Variants in SENP7 observed in about 807,000 individuals in gnomAD.
The protein encoded by SENP7 is sentrin-specific protease 7.
A neutral mutation model predicts 141.2 loss-of-function variants in SENP7; 64 were observed. That is an observed-to-expected ratio of 0.45 (90% CI 0.37 to 0.56). The LOEUF (loss-of-function observed/expected upper bound fraction) is 0.56, where lower values mean the gene tolerates loss of function less well. Among genes scored for constraint, SENP7 ranks in the 20% least tolerant of loss-of-function variants. The probability of loss-of-function intolerance (pLI) is 0.00; values close to 1 mark genes in which losing one functional copy is unlikely to be tolerated. For missense variants in SENP7, 1,025 were observed against 1,212.2 expected (o/e 0.85, Z 2.29); for synonymous variants, 382 against 426.4 (o/e 0.90, Z 1.28).
chr3:101,378,606 G>C (rs2060405687), intron 6 of SENP7, among the ~76,000 whole-genome samples: 1 of 151,990 alleles, frequency 6.6e-6, no homozygotes, highest in Non-Finnish European at 1.5e-5. Context: ...AATATCATAA[G>C]AAGAAAGAGG....
At chr3:101,356,259 A>G (rs2059740040) in intron 11 of SENP7, among the ~76,000 whole-genome samples, 1 of 152,048 alleles carries the variant, frequency 6.6e-6, no homozygotes, top group South Asian at 2.1e-4. Context: ...CTCACATTTT[A>G]ATCTCCTTAT....
intron 6 of SENP7, among the ~76,000 whole-genome samples, chr3:101,378,514 G>GA (rs1425575247): frequency 2.0e-5 from 3 of 151,394 alleles, no homozygotes; most frequent in Non-Finnish European, 2.9e-5. Context: ...AAAGCAAAGA[G>GA]AAAAAAAGAC....
intron 4 of SENP7, among the ~76,000 whole-genome samples, chr3:101,445,500 G>A (rs1490826349): frequency 6.6e-6 from 1 of 150,794 alleles, no homozygotes; most frequent in African/African-American, 2.4e-5. Context: ...AAGGAACAAA[G>A]GATATACAAA....
chr3:101,367,796 T>G (rs2060076910), intron 8 of SENP7, 34 bp downstream of exon 8: 1 of 1,323,468 alleles, frequency 7.6e-7, no homozygotes. Flanking sequence ...TAGCATGAAA[T>G]TATTTCCTAT....
intron 4 of SENP7, among the ~76,000 whole-genome samples, chr3:101,424,829 TAC>T (rs1224292460): frequency 1.3e-5 from 2 of 152,192 alleles, no homozygotes; most frequent in African/African-American, 4.8e-5. Context: ...CACTGCGTGA[TAC>T]AGTTTGGCTG....
chr3:101,437,536 A>T (rs2062438534), intron 4 of SENP7, among the ~76,000 whole-genome samples: 1 of 152,102 alleles, frequency 6.6e-6, no homozygotes, highest in Admixed American at 6.6e-5. Flanking sequence ...AATGATTTTA[A>T]ATTTCTAAAA....
intron 1 of SENP7, among the ~76,000 whole-genome samples, chr3:101,507,620 C>G (rs2065674058): frequency 6.6e-6 from 1 of 152,034 alleles, no homozygotes; most frequent in South Asian, 2.1e-4. Flanking sequence ...ACTTATAAAA[C>G]AGAAGTAGAG....
At chr3:101,463,399 A>G (rs1316845137) in intron 3 of SENP7, among the ~76,000 whole-genome samples, 2 of 75,306 alleles carry the variant, frequency 2.7e-5, no homozygotes, top group Non-Finnish European at 4.9e-5. Flanking sequence ...ATATATATAC[A>G]TATATATATA....
chr3:101,463,366 T>TAAATAAATAA (rs796724812), intron 3 of SENP7, among the ~76,000 whole-genome samples: 2 of 62,364 alleles, frequency 3.2e-5, no homozygotes, highest in East Asian at 9.7e-4. Flanking sequence ...AATAAATAAA[T>TAAATAAATAA]ATATATATAT....
At chr3:101,457,490 C>T in intron 4 of SENP7, 1 of 1,609,752 alleles carries the variant, frequency 6.2e-7, no homozygotes, top group Non-Finnish European at 8.5e-7. Flanking sequence ...CCAGAGATGC[C>T]TGAACTTTAG....
At chr3:101,397,357 T>C (rs1463753736) in intron 6 of SENP7, among the ~76,000 whole-genome samples, 2 of 152,234 alleles carry the variant, frequency 1.3e-5, no homozygotes, top group East Asian at 3.9e-4. Flanking sequence ...GGTCTTGAAC[T>C]CCTCGCCTCA....
chr3:101,427,387 A>G (rs1440927124), intron 4 of SENP7, among the ~76,000 whole-genome samples: 1 of 151,754 alleles, frequency 6.6e-6, no homozygotes, highest in Non-Finnish European at 1.5e-5. Context: ...CTACTCGGGA[A>G]GCTAAAGCAC....
At chr3:101,508,575 G>C (rs2065724303) in intron 1 of SENP7, among the ~76,000 whole-genome samples, 1 of 152,084 alleles carries the variant, frequency 6.6e-6, no homozygotes, top group African/African-American at 2.4e-5. Context: ...CTCCAGCCTG[G>C]GGGGCAGAGT....
At chr3:101,476,847 A>G (rs1367624621) in intron 3 of SENP7, among the ~76,000 whole-genome samples, 2 of 152,184 alleles carry the variant, frequency 1.3e-5, no homozygotes, top group Non-Finnish European at 2.9e-5. Context: ...TTCTCTAATG[A>G]CCAGTGATGA....
intron 1 of SENP7, among the ~76,000 whole-genome samples, chr3:101,504,627 A>G (rs997322077): frequency 6.6e-6 from 1 of 152,230 alleles, no homozygotes; most frequent in African/African-American, 2.4e-5. Context: ...TAAATTTAAC[A>G]AAACACATAT....
At chr3:101,331,174 A>T (rs930650736) in intron 19 of SENP7, among the ~76,000 whole-genome samples, 1 of 152,130 alleles carries the variant, frequency 6.6e-6, no homozygotes, top group Non-Finnish European at 1.5e-5. Flanking sequence ...TACAATGTAT[A>T]TGTATTTCAA....
chr3:101,397,023 G>A (rs770750721), intron 6 of SENP7, among the ~76,000 whole-genome samples: 1 of 151,826 alleles, frequency 6.6e-6, no homozygotes, highest in Non-Finnish European at 1.5e-5. Flanking sequence ...TTGTATTTTC[G>A]GTAGAGACAA....
chr3:101,386,226 A>C (rs1307344198), intron 6 of SENP7, among the ~76,000 whole-genome samples: 1 of 152,192 alleles, frequency 6.6e-6, no homozygotes, highest in African/African-American at 2.4e-5. Flanking sequence ...AAGGGAAATG[A>C]AGCAATTGTC....
intron 15 of SENP7, 191 bp from the exon 16 acceptor site, chr3:101,340,402 T>A (rs78874698): frequency 7.9e-6 from 5 of 632,028 alleles, no homozygotes; most frequent in Non-Finnish European, 1.2e-5. Flanking sequence ...GGTACTCCGA[T>A]TGAGTATTAT....
Sources: gnomAD v4.1 joint callset for allele counts (sites outside exome capture counted in the v4.1 genomes callset) on GRCh38, gnomAD v4.1.1 for gene constraint, MANE v1.5 for transcripts, NCBI Gene and HGNC (gene_info 2026-07-23, HGNC 2026-07-21) for gene names.